Variants in SLC24A3 observed in about 807,000 individuals in gnomAD.
SLC24A3 encodes the protein sodium/potassium/calcium exchanger 3.
A neutral mutation model predicts 75.8 loss-of-function variants in SLC24A3; 28 were observed. That is an observed-to-expected ratio of 0.37 (90% confidence interval 0.27 to 0.51). The LOEUF is 0.51. Ranked by LOEUF, SLC24A3 falls within the 20% of genes least tolerant of loss-of-function variation. The probability of loss-of-function intolerance (pLI) is 0.94; values close to 1 mark genes in which losing one functional copy is unlikely to be tolerated. For missense variants in SLC24A3, 663 were observed against 847.8 expected (o/e 0.78, Z 2.71); for synonymous variants, 372 against 334.1 (o/e 1.11, Z -1.24).
chr20:19,520,173 C>T (rs773778360), intron 3 of SLC24A3, among the ~76,000 whole-genome samples: 6 of 152,196 alleles, frequency 3.9e-5, no homozygotes, highest in Admixed American at 6.5e-5. Flanking sequence ...GGTAGGAGGG[C>T]TGCTAATTAG....
intron 7 of SLC24A3, among the ~76,000 whole-genome samples, chr20:19,656,922 G>A (rs150319272): frequency 3.9e-5 from 6 of 152,306 alleles, no homozygotes; most frequent in African/African-American, 7.2e-5. Flanking sequence ...TGTTAATGAC[G>A]TGTGAATAAG....
At chr20:19,664,326 T>C (rs530481654) in intron 7 of SLC24A3, among the ~76,000 whole-genome samples, 22 of 152,332 alleles carry the variant, frequency 1.4e-4, no homozygotes, top group African/African-American at 4.6e-4. Flanking sequence ...TATGAGATTG[T>C]TGCCTTTATT....
intron 2 of SLC24A3, among the ~76,000 whole-genome samples, chr20:19,394,780 T>C (rs1019029871): frequency 6.6e-6 from 1 of 152,190 alleles, no homozygotes; most frequent in Non-Finnish European, 1.5e-5. Context: ...GAATGTAAAA[T>C]GGTGCAGCCA....
intron 2 of SLC24A3, among the ~76,000 whole-genome samples, chr20:19,291,880 G>A (rs6045963): frequency 0.06 from 9,096 of 152,324 alleles, 603 homozygotes; most frequent in African/African-American, 0.17. Flanking sequence ...GGAAGGAGCA[G>A]AGGACTGGGT....
At chr20:19,469,752 G>A (rs1236355238) in intron 2 of SLC24A3, among the ~76,000 whole-genome samples, 2 of 152,176 alleles carry the variant, frequency 1.3e-5, no homozygotes, top group East Asian at 3.8e-4. Flanking sequence ...GTCTGGGTCG[G>A]GGAAGAGTGG....
intron 2 of SLC24A3, among the ~76,000 whole-genome samples, chr20:19,407,992 T>C (rs1275571033): frequency 6.6e-6 from 1 of 152,224 alleles, no homozygotes; most frequent in African/African-American, 2.4e-5. Flanking sequence ...TCTCTGAACA[T>C]TCTTTCTGTA....
chr20:19,681,973 G>T lies in SLC24A3; in HGVS notation c.883G>T (p.Val295Leu), dbSNP rs1480237046. 1 of 1,614,118 alleles carries T rather than the reference G, an allele frequency of 6.2e-7. No homozygotes were observed. The highest frequency in any genetic ancestry group is 1.7e-5 in the Admixed American group (1 of 60,030). The change falls in exon 10 of 17, where the codon GTG becomes TTG. Residue 295 changes from valine (V) to leucine (L), a missense_variant. By Grantham distance (32) the Val-to-Leu change is conservative. This residue lies in a region of SLC24A3 where 510 missense variants were observed against 703.6 expected (regional missense o/e 0.72). Transcript: ENST00000328041. ...IDDSSNCDAT[V>L]VLLKKANFHR... ...TGACAGCAGCAACTGCGACGCAACT[G>T]TGGTGCTACTTAAGAAAGGTAACCA...
chr20:19,235,537 GGTCTCT>G (rs1982142060), intron 1 of SLC24A3, among the ~76,000 whole-genome samples: 1 of 152,058 alleles, frequency 6.6e-6, no homozygotes, highest in African/African-American at 2.4e-5. Flanking sequence ...TGGGAAGCTG[GGTCTCT>G]GTACTAGCTC....
At chr20:19,505,990 AAT>A (rs1450799205) in intron 2 of SLC24A3, among the ~76,000 whole-genome samples, 1 of 152,214 alleles carries the variant, frequency 6.6e-6, no homozygotes, top group African/African-American at 2.4e-5. Flanking sequence ...GTCCTTGCCC[AAT>A]TTTAGGTATT....
chr20:19,291,049 G>A (rs566733559), intron 2 of SLC24A3, among the ~76,000 whole-genome samples: 1 of 152,266 alleles, frequency 6.6e-6, no homozygotes, highest in South Asian at 2.1e-4. Flanking sequence ...CCTATTTGTG[G>A]GTCTAATCTT....
rs572203554 is a variant in SLC24A3 at position 19,267,049 on chromosome 20, G to A, written c.143-13910G>A. On this transcript the variant is annotated intron_variant, in intron 1 of 16. Coordinates refer to ENST00000328041, the MANE Select transcript of SLC24A3 (RefSeq NM_020689.4). Reference sequence around the variant, plus strand: ...AGATAAATGTAATAGGAATAAAATAGCGATGAAATGAACCATTTAAAAATA... The same window carrying A: ...AGATAAATGTAATAGGAATAAAATAACGATGAAATGAACCATTTAAAAATA... Among the ~76,000 whole-genome samples the A allele has an allele frequency of 2.6e-5, 4 of 152,142 alleles. No individual in the cohort carries two copies. The East Asian group carries it at 5.8e-4, about 22-fold the overall frequency.
chr20:19,468,357 C>T (rs1388829097), intron 2 of SLC24A3, among the ~76,000 whole-genome samples: 1 of 151,988 alleles, frequency 6.6e-6, no homozygotes, highest in Admixed American at 6.6e-5. Context: ...CAGAGGAAAG[C>T]TCTCAAAAAG....
At chr20:19,512,659 C>T (rs911792645) in intron 2 of SLC24A3, among the ~76,000 whole-genome samples, 6 of 152,246 alleles carry the variant, frequency 3.9e-5, no homozygotes, top group Non-Finnish European at 7.3e-5. Flanking sequence ...CTCCCTGGCC[C>T]TCAGTGGCCT....
chr20:19,241,169 G>A (rs1158996942), intron 1 of SLC24A3, among the ~76,000 whole-genome samples: 1 of 152,254 alleles, frequency 6.6e-6, no homozygotes, highest in African/African-American at 2.4e-5. Context: ...AGTGGGCAAA[G>A]TGGAGCAGCG....
At chr20:19,696,691 A>C in intron 13 of SLC24A3, 106 bp from the exon 14 acceptor site, 15 of 728,392 alleles carry the variant, frequency 2.1e-5, no homozygotes, top group Non-Finnish European at 2.9e-5. Context: ...TGCACCCCAC[A>C]GAGATAGCCC....
intron 1 of SLC24A3, among the ~76,000 whole-genome samples, chr20:19,254,586 G>C (rs1982754890): frequency 1.3e-5 from 2 of 152,162 alleles, no homozygotes; most frequent in Admixed American, 1.3e-4. Context: ...GTGATGACAA[G>C]TAATGATAAC....
At chr20:19,250,747 T>C (rs1982629372) in intron 1 of SLC24A3, among the ~76,000 whole-genome samples, 1 of 152,206 alleles carries the variant, frequency 6.6e-6, no homozygotes, top group African/African-American at 2.4e-5. Context: ...ACACTTTTTA[T>C]AAGGGAGCTC....
intron 6 of SLC24A3, among the ~76,000 whole-genome samples, chr20:19,634,800 T>C (rs763903452): frequency 6.6e-6 from 1 of 152,150 alleles, no homozygotes; most frequent in South Asian, 2.1e-4. Flanking sequence ...GTAGAAATGC[T>C]CTATGTCTTG....
At chr20:19,659,252 A>T (rs2122714839) in intron 7 of SLC24A3, among the ~76,000 whole-genome samples, 1 of 152,344 alleles carries the variant, frequency 6.6e-6, no homozygotes. Context: ...CTGGCACAGC[A>T]GCGAGGTTCC....
Sources: allele counts gnomAD v4.1 joint callset (sites outside exome capture counted in the v4.1 genomes callset), GRCh38; gene constraint gnomAD v4.1.1; regional missense constraint gnomAD v4.1.1; transcripts MANE v1.5; gene names NCBI Gene and HGNC (gene_info 2026-07-23, HGNC 2026-07-21).